Variants in RIC3 observed in about 807,000 individuals in gnomAD.
RIC3 encodes protein RIC-3.
Under a neutral mutation model 27.3 loss-of-function variants are expected in RIC3, and 28 were observed. The observed-to-expected ratio is 1.02, with a 90% CI of 0.76 to 1.41. The LOEUF is 1.41. RIC3 is among the 40% of genes most tolerant of loss of function. The pLI, the probability that RIC3 is intolerant of heterozygous loss-of-function variation, is 0.00. For synonymous variants in RIC3, 184 were observed against 160.4 expected (o/e 1.15, Z -1.11); for missense variants, 501 against 444.7 (o/e 1.13, Z -1.14).
intron 1 of RIC3, among the ~76,000 whole-genome samples, chr11:8,146,767 T>A (rs1386708284): frequency 6.6e-6 from 1 of 152,034 alleles, no homozygotes; most frequent in East Asian, 1.9e-4. Flanking sequence ...AGCCTACAGG[T>A]AGATTTTAAA....
At chr11:8,099,512 G>A in the RIC3 span, among the ~76,000 whole-genome samples, 1 of 152,166 alleles carries the variant, frequency 6.6e-6, no homozygotes, top group African/African-American at 2.4e-5. Flanking sequence ...CCAGTTTTGG[G>A]GAGGCAGCCT....
chr11:8,139,086 T>C (rs972872326), intron 2 of RIC3: 1 of 152,274 alleles, frequency 6.6e-6, no homozygotes, highest in African/African-American at 2.4e-5. Flanking sequence ...TACGTCCAAG[T>C]GCTGCTTCTT....
At chr11:8,141,869 A>C (rs922045943) in intron 1 of RIC3, among the ~76,000 whole-genome samples, 25 of 152,014 alleles carry the variant, frequency 1.6e-4, no homozygotes, top group Non-Finnish European at 3.1e-4. Context: ...AGGATTAAGA[A>C]TCTCACTCAA....
At chr11:8,167,865 G>A (rs1300565815) in intron 1 of RIC3, among the ~76,000 whole-genome samples, 1 of 152,188 alleles carries the variant, frequency 6.6e-6, no homozygotes, top group African/African-American at 2.4e-5. Flanking sequence ...GGCAAATTCT[G>A]TAAACAGAAT....
chr11:8,128,281 G>C (rs1468531545), intron 4 of RIC3: 1 of 457,246 alleles, frequency 2.2e-6, no homozygotes, highest in Non-Finnish European at 4.4e-6. Context: ...CTGTACGCAG[G>C]GCATTCTGAT....
At chr11:8,149,152 C>T (rs1949999401) in intron 1 of RIC3, among the ~76,000 whole-genome samples, 1 of 151,456 alleles carries the variant, frequency 6.6e-6, no homozygotes, top group African/African-American at 2.4e-5. Flanking sequence ...AAGATCGCAC[C>T]ACTGCACTCC....
At chr11:8,149,448 T>C (rs560664321) in intron 1 of RIC3, among the ~76,000 whole-genome samples, 1 of 152,132 alleles carries the variant, frequency 6.6e-6, no homozygotes, top group East Asian at 1.9e-4. Flanking sequence ...ACTTGTGTGA[T>C]ATATAAATTT....
chr11:8,163,067 ACC>A (rs1300162251), intron 1 of RIC3, among the ~76,000 whole-genome samples: 1,517 of 134,098 alleles, frequency 0.011, 8 homozygotes, highest in South Asian at 0.017. Flanking sequence ...ACACACACAC[ACC>A]CCCCAAAACA....
chr11:8,143,219 G>C (rs1375595120), intron 1 of RIC3, among the ~76,000 whole-genome samples: 1 of 151,104 alleles, frequency 6.6e-6, no homozygotes, highest in Non-Finnish European at 1.5e-5. Flanking sequence ...ATTCAATTAG[G>C]AAAAGAGGAA....
the RIC3 span, chr11:8,097,617 G>A: frequency 7.6e-7 from 1 of 1,315,568 alleles, no homozygotes. Flanking sequence ...GTGCGTTTGG[G>A]AGCTGACGCA....
intron 1 of RIC3, among the ~76,000 whole-genome samples, chr11:8,147,018 T>C (rs182029440): frequency 3.3e-5 from 5 of 152,316 alleles, no homozygotes; most frequent in African/African-American, 9.6e-5. Context: ...CCCATTTTTA[T>C]TCAAAGTCAT....
chr11:8,100,382 G>A, the RIC3 span: 1 of 767,188 alleles, frequency 1.3e-6, no homozygotes, highest in South Asian at 1.6e-5. Context: ...AGAGGGATGT[G>A]TGTTAGACTT....
chr11:8,113,932 A>G (rs143132048), intron 5 of RIC3, among the ~76,000 whole-genome samples: 220 of 152,246 alleles, frequency 1.4e-3, no homozygotes, highest in Admixed American at 2.4e-3. Flanking sequence ...GCCCTTGTGG[A>G]CCTAGGCTTT....
At position 8,138,365 on chromosome 11, in the gene RIC3, T is replaced by A; in HGVS notation, c.352-18A>T. ...TTTGAGAGCTGAGAATTGAAGGAGGTATAGCACATCAACAGCAGCTCAGAA... is the reference window on the plus strand; with the variant it reads ...TTTGAGAGCTGAGAATTGAAGGAGGAATAGCACATCAACAGCAGCTCAGAA... On this transcript the variant is annotated intron_variant, in intron 2 of 5. Coordinates refer to ENST00000309737, the MANE Select transcript of RIC3 (RefSeq NM_001206671.4). 2 of 1,553,310 alleles carry A rather than the reference T, an allele frequency of 1.3e-6. No individual in the cohort carries two copies. Among genetic ancestry groups the A allele is most frequent in the Non-Finnish European group, 1.8e-6 (2 of 1,125,928 alleles).
At chr11:8,117,344 C>T (rs1945963375) in intron 5 of RIC3, among the ~76,000 whole-genome samples, 1 of 152,198 alleles carries the variant, frequency 6.6e-6, no homozygotes, top group African/African-American at 2.4e-5. Flanking sequence ...GGATTACAGG[C>T]GTGAGCCACC....
intron 5 of RIC3, among the ~76,000 whole-genome samples, chr11:8,118,527 T>TAAAAAAAA (rs11378233): frequency 4.5e-5 from 3 of 66,686 alleles, no homozygotes; most frequent in South Asian, 6.2e-4. Flanking sequence ...GCCATAATTG[T>TAAAAAAAA]AAAAAAAAAA....
At chr11:8,145,713 C>CA (rs1367775243) in intron 1 of RIC3, among the ~76,000 whole-genome samples, 2 of 151,406 alleles carry the variant, frequency 1.3e-5, no homozygotes, top group Non-Finnish European at 2.9e-5. Context: ...CAAGAGCAGT[C>CA]AAAAGTTAAC....
chr11:8,101,673 T>C, downstream of RIC3: 1 of 1,598,646 alleles, frequency 6.3e-7, no homozygotes, highest in Non-Finnish European at 8.5e-7. Flanking sequence ...CTTGCCTGCC[T>C]GCCTGTGGAG....
At chr11:8,145,202 T>TAAAAAA (rs36008792) in intron 1 of RIC3, among the ~76,000 whole-genome samples, 1 of 140,242 alleles carries the variant, frequency 7.1e-6, no homozygotes, top group African/African-American at 2.6e-5. Context: ...AAAAAAAAAT[T>TAAAAAA]AAAAAAAAAA....
Sources: allele counts gnomAD v4.1 joint callset (sites outside exome capture counted in the v4.1 genomes callset), GRCh38; gene constraint gnomAD v4.1.1; transcripts MANE v1.5; gene names NCBI Gene and HGNC (gene_info 2026-07-23, HGNC 2026-07-21).